The following MTCL2 variants were observed in gnomAD, a reference collection of about 807,000 sequenced individuals.
MTCL2 encodes the protein microtubule cross-linking factor 2.
At chr20:36,800,049 C>T in the MTCL2 span, among the ~76,000 whole-genome samples, 1 of 152,194 alleles carries the variant, frequency 6.6e-6, no homozygotes, top group Non-Finnish European at 1.5e-5. Context: ...CTGGCTTAAT[C>T]GTCAGTCCAG....
chr20:36,797,533 T>TCTGAAG, the MTCL2 span: 1 of 1,556,386 alleles, frequency 6.4e-7, no homozygotes, highest in South Asian at 1.2e-5. Flanking sequence ...CTTCTCCAGC[T>TCTGAAG]CCGAGTGCTT....
the MTCL2 span, among the ~76,000 whole-genome samples, chr20:36,809,775 T>C: frequency 6.6e-6 from 1 of 151,916 alleles, no homozygotes; most frequent in Non-Finnish European, 1.5e-5. Flanking sequence ...GGGGTTTCCA[T>C]GTTGGCCAGG....
the MTCL2 span, chr20:36,817,598 C>T: frequency 1.3e-6 from 1 of 750,040 alleles, no homozygotes; most frequent in South Asian, 1.9e-5. Flanking sequence ...CCACCCCACC[C>T]TGATGGCACT....
At chr20:36,812,988 C>T in the MTCL2 span, 2 of 970,088 alleles carry the variant, frequency 2.1e-6, no homozygotes, top group African/African-American at 1.6e-5. Context: ...GGTAGATTCA[C>T]CTCTGCAACC....
At chr20:36,851,275 T>C in the MTCL2 span, among the ~76,000 whole-genome samples, 1 of 152,164 alleles carries the variant, frequency 6.6e-6, no homozygotes, top group Admixed American at 6.5e-5. Context: ...ATATTGTATA[T>C]ATATACCCAG....
chr20:36,823,148 C>G, the MTCL2 span, among the ~76,000 whole-genome samples: 1 of 152,152 alleles, frequency 6.6e-6, no homozygotes, highest in East Asian at 1.9e-4. Flanking sequence ...GAAATGGCCA[C>G]AGAGAGAGGC....
At chr20:36,821,170 GT>G in the MTCL2 span, among the ~76,000 whole-genome samples, 6 of 152,148 alleles carry the variant, frequency 3.9e-5, no homozygotes, top group Non-Finnish European at 8.8e-5. Flanking sequence ...ATGCATCTGT[GT>G]GCTTTTCTAA....
the MTCL2 span, chr20:36,786,402 C>G: frequency 7.0e-7 from 1 of 1,434,430 alleles, no homozygotes; most frequent in Non-Finnish European, 9.2e-7. Flanking sequence ...CACAGCCCCT[C>G]GCCTCACCTC....
At chr20:36,838,899 G>A in the MTCL2 span, among the ~76,000 whole-genome samples, 2 of 152,074 alleles carry the variant, frequency 1.3e-5, no homozygotes, top group Admixed American at 1.3e-4. Flanking sequence ...ATCCCGGGAG[G>A]CAGAAGTTGC....
chr20:36,792,366 G>A, the MTCL2 span, among the ~76,000 whole-genome samples: 14 of 152,052 alleles, frequency 9.2e-5, no homozygotes, highest in African/African-American at 2.7e-4. Flanking sequence ...AAAATTAGCC[G>A]GGCATGGTGG....
At chr20:36,845,543 G>T in the MTCL2 span, among the ~76,000 whole-genome samples, 1 of 152,258 alleles carries the variant, frequency 6.6e-6, no homozygotes. Context: ...CCACGTGAGA[G>T]GGTGAGCTGA....
chr20:36,862,186 G>A, the MTCL2 span, among the ~76,000 whole-genome samples: 1 of 152,226 alleles, frequency 6.6e-6, no homozygotes, highest in Non-Finnish European at 1.5e-5. Flanking sequence ...ACAGGCCTGC[G>A]CCCGGGAAAG....
the MTCL2 span, chr20:36,794,233 G>C: frequency 2.6e-6 from 4 of 1,549,562 alleles, no homozygotes; most frequent in Non-Finnish European, 3.5e-6. The surrounding 1 kb of genome is among the most constrained non-coding windows in gnomAD (Gnocchi z 5.4). Flanking sequence ...GCTTGGCTGT[G>C]GTGAAGAGGA....
At chr20:36,786,458 G>A in the MTCL2 span, 2 of 1,520,740 alleles carry the variant, frequency 1.3e-6, no homozygotes, top group Admixed American at 4.1e-5. Flanking sequence ...GGCTGGGCTG[G>A]TTGAGGCGGG....
the MTCL2 span, among the ~76,000 whole-genome samples, chr20:36,792,288 AC>A: frequency 6.6e-6 from 1 of 152,274 alleles, no homozygotes; most frequent in South Asian, 2.1e-4. Context: ...TGGGCGGATC[AC>A]TTGAGGTCGG....
chr20:36,837,033 T>A, the MTCL2 span, among the ~76,000 whole-genome samples: 1 of 152,160 alleles, frequency 6.6e-6, no homozygotes, highest in Non-Finnish European at 1.5e-5. Context: ...AGAAGGGACT[T>A]CTCCCCAGGT....
At chr20:36,862,916 G>T in the MTCL2 span, 1 of 1,307,856 alleles carries the variant, frequency 7.6e-7, no homozygotes, top group Non-Finnish European at 9.8e-7. Flanking sequence ...CGGACTCGGC[G>T]TCGCTGCTCA....
the MTCL2 span, among the ~76,000 whole-genome samples, chr20:36,854,626 G>A: frequency 3.3e-5 from 5 of 152,152 alleles, no homozygotes; most frequent in Admixed American, 6.5e-5. Context: ...TAGGGTCAAG[G>A]AGAGGCGGGG....
the MTCL2 span, among the ~76,000 whole-genome samples, chr20:36,841,635 A>G: frequency 6.6e-6 from 1 of 152,140 alleles, no homozygotes; most frequent in African/African-American, 2.4e-5. Context: ...GAGGCTGAGG[A>G]AACTGACAGG....
Sources: allele counts gnomAD v4.1 joint callset (sites outside exome capture counted in the v4.1 genomes callset), GRCh38; gene constraint gnomAD v4.1.1; non-coding constraint Gnocchi (gnomAD v3.1); transcripts MANE v1.5; gene names NCBI Gene and HGNC (gene_info 2026-07-23, HGNC 2026-07-21).